Variants in MAGI2 observed in about 807,000 individuals in gnomAD.
MAGI2 encodes the protein membrane-associated guanylate kinase, WW and PDZ domain-containing protein 2.
A neutral mutation model predicts 133.3 loss-of-function variants in MAGI2; 35 were observed. That is an observed-to-expected ratio of 0.26 (90% confidence interval 0.20 to 0.35). The LOEUF (loss-of-function observed/expected upper bound fraction) is 0.35. Among genes scored for constraint, MAGI2 ranks in the 10% least tolerant of loss-of-function variants. The pLI is 1.00. For synonymous variants in MAGI2, 729 were observed against 710.6 expected, an observed-to-expected ratio of 1.03 and a Z score of -0.41; for missense variants, 1,636 against 1,863.4, an observed-to-expected ratio of 0.88 and a Z score of 2.25.
intron 1 of MAGI2, among the ~76,000 whole-genome samples, chr7:79,401,353 G>C (rs1031650741): frequency 6.6e-6 from 1 of 152,134 alleles, no homozygotes; most frequent in Non-Finnish European, 1.5e-5. Context: ...ATAAATAATT[G>C]GAAGGATATG....
At chr7:78,348,257 C>T (rs1235557111) in intron 7 of MAGI2, 1 of 152,186 alleles carries the variant, frequency 6.6e-6, no homozygotes, top group Non-Finnish European at 1.5e-5. Context: ...GGGCAAATTT[C>T]TAACTCTCTA....
At chr7:79,050,186 T>C (rs940857170) in intron 1 of MAGI2, among the ~76,000 whole-genome samples, 3 of 152,130 alleles carry the variant, frequency 2.0e-5, no homozygotes, top group Non-Finnish European at 4.4e-5. Context: ...ACATGTGAAT[T>C]TGGGCTCCAT....
chr7:78,473,028 G>A (rs546900972), intron 6 of MAGI2, among the ~76,000 whole-genome samples: 27 of 152,184 alleles, frequency 1.8e-4, no homozygotes, highest in African/African-American at 5.5e-4. Flanking sequence ...TCTCAGAGCC[G>A]TGATCTCTTA....
At chr7:79,266,915 C>G (rs189499887) in intron 1 of MAGI2, among the ~76,000 whole-genome samples, 1 of 152,158 alleles carries the variant, frequency 6.6e-6, no homozygotes, top group East Asian at 1.9e-4. Flanking sequence ...TTCAGAAACT[C>G]CTACCAGATG....
At chr7:79,331,509 C>G (rs1442943034) in intron 1 of MAGI2, among the ~76,000 whole-genome samples, 1 of 151,986 alleles carries the variant, frequency 6.6e-6, no homozygotes, top group Non-Finnish European at 1.5e-5. Flanking sequence ...AGATTAACTC[C>G]CACACATTGA....
In MAGI2 at chr7:78,133,058, G is replaced by A. The variant is rs763223806; in HGVS notation, c.3034C>T (p.Leu1012Phe). 5 of 1,555,292 alleles carry A rather than the reference G, an allele frequency of 3.2e-6. No individual in the cohort carries two copies. The highest frequency in any genetic ancestry group is 3.5e-6 in the Non-Finnish European group (4 of 1,155,204). Residue 1012 changes from leucine (L) to phenylalanine (F), a missense_variant and splice_region_variant, in exon 18 of 22, where the codon CTC becomes TTC. Physicochemically the swap from Leu to Phe is conservative, Grantham distance 22. Around this residue, in one of 5 missense-constraint regions of MAGI2, gnomAD observed 920 missense variants for 1,093.5 expected, o/e 0.84. Transcript: ENST00000354212. ...CTGGGTGCCGAGGTGGGGCTGTTGA[G>A]CTCTGCGATGGAGAACCAAAGCGGC... is the stretch of plus-strand genomic sequence containing the variant. ...VTLRIIPQEE[L>F]NSPTSAPSSE...
At chr7:78,756,712 C>T (rs1425029590) in intron 2 of MAGI2, among the ~76,000 whole-genome samples, 2 of 152,160 alleles carry the variant, frequency 1.3e-5, no homozygotes, top group East Asian at 1.9e-4. Context: ...GCCCTTCAAT[C>T]CTGCTGAGAT....
chr7:79,188,241 A>G (rs1413162530), intron 1 of MAGI2, among the ~76,000 whole-genome samples: 2 of 151,754 alleles, frequency 1.3e-5, no homozygotes, highest in East Asian at 1.9e-4. Flanking sequence ...CCCAGCATGC[A>G]TTAGCTAATT....
chr7:79,141,580 C>T lies in MAGI2; in HGVS notation c.302-134374G>A, dbSNP rs144914814. 3.8e-3 allele frequency among the ~76,000 whole-genome samples: 583 copies of T among 152,126 alleles called. 4 individuals are homozygous for T. Among genetic ancestry groups the T allele is most frequent in the Non-Finnish European group, 6.1e-3 (417 of 67,972 alleles). On this transcript the variant is annotated intron_variant, in intron 1 of 21. Transcript: ENST00000354212. ...GGGCCTTTGTTTTTTTATTTCTTTG[C>T]TCAAAAGTCAATAATTATTAATGTA...
chr7:78,124,535 A>G (rs979868849), intron 20 of MAGI2, among the ~76,000 whole-genome samples: 3 of 152,192 alleles, frequency 2.0e-5, no homozygotes, highest in Non-Finnish European at 4.4e-5. Flanking sequence ...GGTAGAAATA[A>G]CAGATTCAGC....
intron 7 of MAGI2, chr7:78,352,922 A>T (rs1175942553): frequency 2.6e-5 from 4 of 152,250 alleles, no homozygotes; most frequent in African/African-American, 9.6e-5. Flanking sequence ...CTCCTAGCAG[A>T]CATGGCCGTG....
intron 2 of MAGI2, among the ~76,000 whole-genome samples, chr7:78,637,758 G>T (rs1282378299): frequency 6.6e-6 from 1 of 152,102 alleles, no homozygotes; most frequent in African/African-American, 2.4e-5. Context: ...TTAAGTCCCT[G>T]GTGTAAACAC....
intron 11 of MAGI2, among the ~76,000 whole-genome samples, chr7:78,197,443 T>A (rs1563248281): frequency 6.6e-6 from 1 of 152,230 alleles, no homozygotes. Flanking sequence ...CCATTGAGGG[T>A]TACTTCATAC....
chr7:78,737,701 T>G (rs1420731742), intron 2 of MAGI2, among the ~76,000 whole-genome samples: 1 of 152,200 alleles, frequency 6.6e-6, no homozygotes, highest in Non-Finnish European at 1.5e-5. Context: ...CTTTTTACTA[T>G]TTTTTGTTTT....
chr7:79,099,807 T>C (rs1378999902), intron 1 of MAGI2, among the ~76,000 whole-genome samples: 1 of 152,210 alleles, frequency 6.6e-6, no homozygotes. Flanking sequence ...GATGTGATCT[T>C]GTCCTTTTTT....
At chr7:79,239,417 C>T (rs1448769139) in intron 1 of MAGI2, among the ~76,000 whole-genome samples, 1 of 152,144 alleles carries the variant, frequency 6.6e-6, no homozygotes, top group Non-Finnish European at 1.5e-5. Context: ...AAGGGAGGTG[C>T]CGTATCACAT....
intron 1 of MAGI2, among the ~76,000 whole-genome samples, chr7:79,315,679 G>A (rs905350196): frequency 6.6e-6 from 1 of 152,112 alleles, no homozygotes; most frequent in Non-Finnish European, 1.5e-5. Context: ...CCACAGGAAT[G>A]TATTGAGGCT....
At chr7:78,676,140 A>C (rs1017976912) in intron 2 of MAGI2, among the ~76,000 whole-genome samples, 5 of 152,094 alleles carry the variant, frequency 3.3e-5, no homozygotes, top group African/African-American at 7.3e-5. Flanking sequence ...TAATATTCTC[A>C]CAAAATCCAT....
intron 2 of MAGI2, among the ~76,000 whole-genome samples, chr7:78,958,943 C>T (rs1196917185): frequency 6.6e-6 from 1 of 152,234 alleles, no homozygotes; most frequent in South Asian, 2.1e-4. Context: ...CTCTTTTACA[C>T]AAGAAAATTC....
Sources: gnomAD v4.1 joint callset for allele counts (sites outside exome capture counted in the v4.1 genomes callset) on GRCh38, gnomAD v4.1.1 for gene constraint, gnomAD v4.1.1 regional missense constraint, MANE v1.5 for transcripts, NCBI Gene and HGNC (gene_info 2026-07-23, HGNC 2026-07-21) for gene names.